PUF60: variants seen among roughly 807,000 people sequenced by gnomAD.
PUF60 encodes poly(U) binding splicing factor 60.
Under a neutral mutation model 61.8 loss-of-function variants are expected in PUF60, and 10 were observed. The observed-to-expected ratio is 0.16, with a 90% CI of 0.10 to 0.27. PUF60 has a LOEUF of 0.27. PUF60 is among the 10% of genes least tolerant of loss of function. The pLI, the probability that PUF60 is intolerant of heterozygous loss-of-function variation, is 1.00. For synonymous variants in PUF60, 353 were observed against 300.9 expected, an observed-to-expected ratio of 1.17 and a Z score of -1.79; for missense variants, 371 against 754.0, an observed-to-expected ratio of 0.49 and a Z score of 5.95.
intron 4 of PUF60, 56 bp from the exon 5 acceptor site, chr8:143,820,772 TCGTCAACACCTCA>T: frequency 1.3e-6 from 2 of 1,509,390 alleles, no homozygotes; most frequent in Non-Finnish European, 1.8e-6. Context: ...TCTCCCGCTC[TCGTCAACACCTCA>T]CGCAGACAGC....
At chr8:143,822,432 G>A in intron 2 of PUF60, 1 of 452,516 alleles carries the variant, frequency 2.2e-6, no homozygotes, top group South Asian at 1.6e-5. Context: ...GCTAATACAA[G>A]GGCCTCTCTC....
At chr8:143,820,127 C>G (rs7836052) in intron 5 of PUF60, 141,824 of 156,100 alleles carry the variant, frequency 0.91, 64,466 homozygotes, top group East Asian at 0.98. Flanking sequence ...CTGCCTCCTC[C>G]GCCCTGGCTG....
chr8:143,822,418 A>C, intron 2 of PUF60: 1 of 444,184 alleles, frequency 2.3e-6, no homozygotes, highest in Non-Finnish European at 4.6e-6. Context: ...GGCCCACCCA[A>C]GGAGCTAATA....
rs145377947 is a variant in PUF60 at position 143,816,433 on chromosome 8, C to T, written c.*87G>A. 1.6e-5 allele frequency: 23 copies of T among 1,435,400 alleles called. No individual in the cohort carries two copies. The African/African-American group carries it at 2.6e-4, about 16-fold the overall frequency. The allele number at this position is 1,435,400 out of a possible 1,614,324, so 88.9% of individuals were successfully genotyped here. On this transcript the variant is annotated 3_prime_UTR_variant, in exon 12 of 12. Transcript: ENST00000526683. ...GCACTGTAGGCTGGGCTGGGCAGAG[C>T]GCGCCTGGCCCCGGGGACACCACTG...
chr8:143,824,244 GCACA>G lies in PUF60; in HGVS notation c.111+65_111+68del, dbSNP rs879748787. Reference sequence around the variant, plus strand: ...GCCAGCCCTCTCTGGGCCCAGGGACGCACAGGCAGGCGGGCGGGCGGGCGGGCAG... The same window carrying G: ...GCCAGCCCTCTCTGGGCCCAGGGACGGGCAGGCGGGCGGGCGGGCGGGCAG... On this transcript the variant is annotated intron_variant, in intron 2 of 11. Coordinates refer to ENST00000526683, the MANE Select transcript of PUF60 (RefSeq NM_078480.3). 7,235 of 1,471,174 alleles carry G rather than the reference GCACA, an allele frequency of 4.9e-3. 23 individuals carry two copies. Among genetic ancestry groups the G allele is most frequent in the Non-Finnish European group, 5.6e-3 (6,089 of 1,082,310 alleles). The allele number at this position is 1,471,174 out of a possible 1,614,324, so 91.1% of individuals were successfully genotyped here. A position where few individuals can be genotyped will look rare whatever the true frequency, so the allele number is the denominator to read the frequency against.
rs1288966359 is a variant in PUF60, at chr8:143,822,066, T to TC, written c.112-154dup. On this transcript the variant is annotated intron_variant, in intron 2 of 11. Transcript: ENST00000526683. ...GCTGTCCCCAGCCCAGGCCACTGTCTCCCCCGGGACCCATGGGGTAGAACA... is the reference window on the plus strand; with the variant it reads ...GCTGTCCCCAGCCCAGGCCACTGTCTCCCCCCGGGACCCATGGGGTAGAACA... 8.6e-5 allele frequency among the ~76,000 whole-genome samples: 13 copies of TC among 151,722 alleles called. No homozygotes were observed. The East Asian group carries it at 2.3e-3, about 27-fold the overall frequency.
At position 143,820,217 on chromosome 8, in the gene PUF60, C is replaced by T. The variant is rs77544993; in HGVS notation, c.348+449G>A. On this transcript the variant is annotated intron_variant, in intron 5 of 11. Transcript: ENST00000526683. Reference sequence around the variant, plus strand: ...TTGCTCGCTTGGGTCCCCCCACCCCCACCCCATCCAACCATCCTCCCTCCA... The same window carrying T: ...TTGCTCGCTTGGGTCCCCCCACCCCTACCCCATCCAACCATCCTCCCTCCA... 7.2e-3 allele frequency: 1,226 copies of T among 169,492 alleles called. 21 individuals carry two copies. Among genetic ancestry groups the T allele is most frequent in the African/African-American group, 0.028 (1,174 of 41,766 alleles). 10.5% of individuals were successfully genotyped at this position (169,492 alleles called of 1,614,324 possible). A position where few individuals can be genotyped will look rare whatever the true frequency, so the allele number is the denominator to read the frequency against.
At chr8:143,827,266 C>A in intron 1 of PUF60, 1 of 420,372 alleles carries the variant, frequency 2.4e-6, no homozygotes, top group South Asian at 1.7e-5. Context: ...AGGCTGGGGC[C>A]TACAGAAGAA....
intron 3 of PUF60, 44 bp downstream of exon 3, chr8:143,821,774 T>C (rs768702003): frequency 5.8e-6 from 9 of 1,544,240 alleles, no homozygotes; most frequent in Admixed American, 3.5e-5. Context: ...CTGCCCCCAG[T>C]TGACTGTCCC....
At chr8:143,828,037 G>GT (rs1233678071) in intron 1 of PUF60, among the ~76,000 whole-genome samples, 1 of 152,182 alleles carries the variant, frequency 6.6e-6, no homozygotes, top group Non-Finnish European at 1.5e-5. Context: ...CTTTCTCTCT[G>GT]GAGTGCCCCT....
At chr8:143,822,571 G>C (rs1474831213) in intron 2 of PUF60, 1 of 456,500 alleles carries the variant, frequency 2.2e-6, no homozygotes, top group East Asian at 6.9e-5. Flanking sequence ...CATGGGCTTT[G>C]CCTGGCCCAC....
In PUF60 at chr8:143,818,166, G is replaced by A; in HGVS notation, c.603+27C>T. 2 of 1,603,950 alleles carry A rather than the reference G, an allele frequency of 1.2e-6. No homozygotes were observed. Among genetic ancestry groups the A allele is most frequent in the Middle Eastern group, 3.3e-4 (2 of 6,052 alleles). Reference sequence around the variant, plus strand: ...GAGGGGCAGCCCTGCACGCCTGCGGGATCGAGGCCTTGGCTCCCTGCCTCA... The same window carrying A: ...GAGGGGCAGCCCTGCACGCCTGCGGAATCGAGGCCTTGGCTCCCTGCCTCA... On this transcript the variant is annotated intron_variant, in intron 7 of 11. Coordinates refer to ENST00000526683, the MANE Select transcript of PUF60 (RefSeq NM_078480.3). The surrounding 1 kb of genome is among the most constrained non-coding windows in gnomAD (Gnocchi z 7.9).
intron 1 of PUF60, chr8:143,827,613 G>A (rs1007789460): frequency 4.0e-4 from 145 of 358,312 alleles, no homozygotes; most frequent in African/African-American, 2.5e-3. Context: ...AACCCTTCTA[G>A]AAGCCTTTCC....
chr8:143,819,391 CAG>C (rs1428451083), intron 5 of PUF60, among the ~76,000 whole-genome samples: 10 of 152,264 alleles, frequency 6.6e-5, no homozygotes, highest in Middle Eastern at 3.4e-3. Context: ...GCATGCCAGA[CAG>C]GGGACTTCCA....
Position 143,827,321 on chromosome 8 carries a change from C to T in PUF60, c.24+1959G>A, listed in dbSNP as rs1373242124. The T allele has an allele frequency of 1.1e-5, 5 of 455,268 alleles. No homozygotes were observed. In the East Asian group the frequency reaches 2.8e-4, roughly 25 times the overall value. 28.2% of individuals were successfully genotyped at this position (455,268 alleles called of 1,614,324 possible). ...GTGATGACCCCAAATGAGAGCTGGT[C>T]TGGCTGTCAGTGAAGAGAACGGAGC... On this transcript the variant is annotated intron_variant, in intron 1 of 11. Transcript: ENST00000526683.
chr8:143,823,501 C>T (rs1224647564), intron 2 of PUF60, among the ~76,000 whole-genome samples: 1 of 152,262 alleles, frequency 6.6e-6, no homozygotes, highest in Non-Finnish European at 1.5e-5. Context: ...CTCCCACCAA[C>T]CAATGGCCGG....
Position 143,821,894 on chromosome 8 carries a change from ATCT to A in PUF60, c.128_130del (p.Lys43del). 6.2e-7 allele frequency: 1 copy of A among 1,606,180 alleles called. No individual in the cohort carries two copies. The highest frequency in any genetic ancestry group is 8.5e-7 in the Non-Finnish European group (1 of 1,177,788). The stretch of plus-strand genomic sequence containing the variant: ...GGCGGCTGTGCTCTGCCCGTTCTCC[ATCT>A]TGATGGAGTCTGTGCCCTGGTAAGG... On this transcript the variant is annotated inframe_deletion, in exon 3 of 12. Transcript: ENST00000526683.
At chr8:143,824,187 G>C in intron 2 of PUF60, 126 bp downstream of exon 2, 1 of 935,632 alleles carries the variant, frequency 1.1e-6, no homozygotes, top group Non-Finnish European at 1.6e-6. Flanking sequence ...AGGCAGAGAA[G>C]GGTTCCCGAG....
intron 2 of PUF60, 99 bp downstream of exon 2, chr8:143,824,214 C>T: frequency 7.7e-7 from 1 of 1,291,016 alleles, no homozygotes; most frequent in East Asian, 2.5e-5. Flanking sequence ...CCCGCCCCGC[C>T]CCCAGCCAGC....
Sources: gnomAD v4.1 joint callset for allele counts (sites outside exome capture counted in the v4.1 genomes callset) on GRCh38, gnomAD v4.1.1 for gene constraint, Gnocchi (gnomAD v3.1) non-coding constraint, MANE v1.5 for transcripts, NCBI Gene and HGNC (gene_info 2026-07-23, HGNC 2026-07-21) for gene names.